Variants in FOXO3 observed in about 807,000 individuals in gnomAD.
FOXO3 encodes the protein forkhead box protein O3.
A neutral mutation model predicts 41.9 loss-of-function variants in FOXO3; 4 were observed. That is an observed-to-expected ratio of 0.10 (90% CI 0.05 to 0.22). The LOEUF (loss-of-function observed/expected upper bound fraction) is 0.22, where lower values mean the gene tolerates loss of function less well. Ranked by LOEUF, FOXO3 falls within the 10% of genes least tolerant of loss-of-function variation. The pLI, the probability that FOXO3 is intolerant of heterozygous loss-of-function variation, is 1.00. For missense variants in FOXO3, 534 were observed against 906.8 expected (o/e 0.59, Z 5.28); for synonymous variants, 318 against 389.3 (o/e 0.82, Z 2.16).
chr6:108,631,876 T>C (rs1015275827), intron 1 of FOXO3, among the ~76,000 whole-genome samples: 1 of 152,356 alleles, frequency 6.6e-6, no homozygotes, highest in African/African-American at 2.4e-5. Context: ...ATTATGTCTC[T>C]TAATCAAGGG....
intron 1 of FOXO3, among the ~76,000 whole-genome samples, chr6:108,659,716 A>C (rs529864308): frequency 2.0e-5 from 3 of 152,272 alleles, no homozygotes; most frequent in African/African-American, 7.2e-5. Context: ...CCCTGTGGTT[A>C]TGGCCCTGGA....
intron 1 of FOXO3, among the ~76,000 whole-genome samples, chr6:108,653,317 G>T (rs1274747723): frequency 6.6e-6 from 1 of 152,182 alleles, no homozygotes; most frequent in Non-Finnish European, 1.5e-5. Context: ...CAGGCCCTCT[G>T]CCGGGTGCTA....
chr6:108,627,007 C>A (rs1474872587), intron 1 of FOXO3, among the ~76,000 whole-genome samples: 1 of 152,174 alleles, frequency 6.6e-6, no homozygotes, highest in Non-Finnish European at 1.5e-5. Flanking sequence ...CTTCTAAGGT[C>A]TCTCCTGAGT....
intron 1 of FOXO3, among the ~76,000 whole-genome samples, chr6:108,574,349 G>C (rs1474016066): frequency 6.6e-6 from 1 of 152,080 alleles, no homozygotes; most frequent in Non-Finnish European, 1.5e-5. Flanking sequence ...GTGACGCATG[G>C]TAGGTAGAAA....
intron 1 of FOXO3, among the ~76,000 whole-genome samples, chr6:108,619,989 T>G (rs1439517993): frequency 6.6e-6 from 1 of 152,182 alleles, no homozygotes; most frequent in African/African-American, 2.4e-5. Context: ...TCCTTACAGG[T>G]TAAATTCAAA....
At chr6:108,569,834 A>AAC (rs1326416660) in intron 1 of FOXO3, among the ~76,000 whole-genome samples, 1 of 152,030 alleles carries the variant, frequency 6.6e-6, no homozygotes, top group Non-Finnish European at 1.5e-5. Context: ...CAAATAAACA[A>AAC]ACAGCATACA....
At position 108,588,309 on chromosome 6, in the gene FOXO3, A is replaced by G. The variant is rs573086042; in HGVS notation, c.621+26480A>G. On this transcript the variant is annotated intron_variant, in intron 1 of 2. Transcript: ENST00000406360. ...TTTGCTAGTTTTCTGATTGATTTGC[A>G]TAGACCATTGACTGGATGTTGTATT... Among the ~76,000 whole-genome samples the G allele has an allele frequency of 1.6e-4, 25 of 151,858 alleles. 1 individual carries two copies. In the South Asian group the frequency reaches 4.8e-3, roughly 29 times the overall value.
At chr6:108,651,528 G>T (rs1375461305) in intron 1 of FOXO3, among the ~76,000 whole-genome samples, 1 of 152,172 alleles carries the variant, frequency 6.6e-6, no homozygotes, top group African/African-American at 2.4e-5. Context: ...AAAAGGAACG[G>T]TTTTTCTGAG....
Position 108,561,249 on chromosome 6 carries a change from T to C in FOXO3, c.41T>C (p.Leu14Pro), listed in dbSNP as rs1775775411. Residue 14 changes from leucine to proline, a missense_variant, in exon 1 of 3, where the codon CTC (leucine) becomes CCC (proline). Transcript: ENST00000406360. ...APASPAPLSP[L>P]EVELDPEFEP... The stretch of plus-strand genomic sequence containing the variant: ...GCTTCCCCGGCCCCGCTCTCTCCGC[T>C]CGAAGTGGAGCTGGACCCGGAGTTC... 1 of 1,564,056 alleles carries C rather than the reference T, an allele frequency of 6.4e-7. No homozygotes were observed. Among genetic ancestry groups the C allele is most frequent in the Non-Finnish European group, 8.6e-7 (1 of 1,157,436 alleles).
At chr6:108,628,093 G>A (rs1336038729) in intron 1 of FOXO3, among the ~76,000 whole-genome samples, 2 of 151,828 alleles carry the variant, frequency 1.3e-5, no homozygotes, top group African/African-American at 2.4e-5. Context: ...AGTAATGTTG[G>A]TAAAAGCATC....
intron 1 of FOXO3, among the ~76,000 whole-genome samples, chr6:108,614,036 T>C (rs182574306): frequency 6.6e-6 from 1 of 152,314 alleles, no homozygotes; most frequent in Admixed American, 6.5e-5. Flanking sequence ...TATTTTTCTA[T>C]TACTGTTTTC....
chr6:108,600,776 G>A (rs1376302972), intron 1 of FOXO3, among the ~76,000 whole-genome samples: 1 of 151,956 alleles, frequency 6.6e-6, no homozygotes, highest in Non-Finnish European at 1.5e-5. Context: ...TTTTTATAAG[G>A]GAAGAAGGAT....
chr6:108,611,022 C>T (rs1450576224), intron 1 of FOXO3, among the ~76,000 whole-genome samples: 1 of 152,118 alleles, frequency 6.6e-6, no homozygotes, highest in African/African-American at 2.4e-5. Flanking sequence ...TCATCAGTCC[C>T]TCTCCCTCCC....
intron 2 of FOXO3, among the ~76,000 whole-genome samples, chr6:108,674,289 A>C (rs551363003): frequency 6.6e-6 from 1 of 152,298 alleles, no homozygotes; most frequent in African/African-American, 2.4e-5. Context: ...GGGTTCTTCC[A>C]GGAGGATGGT....
At chr6:108,574,450 G>A (rs1163049000) in intron 1 of FOXO3, among the ~76,000 whole-genome samples, 1 of 152,124 alleles carries the variant, frequency 6.6e-6, no homozygotes, top group Non-Finnish European at 1.5e-5. Flanking sequence ...GTAGATGAAT[G>A]CAGGCAGCAA....
chr6:108,612,373 A>G (rs1009684610), intron 1 of FOXO3, among the ~76,000 whole-genome samples: 3 of 152,000 alleles, frequency 2.0e-5, no homozygotes, highest in African/African-American at 7.3e-5. Context: ...TACATTGATG[A>G]TCATGTCTAT....
rs529721780 is a variant in FOXO3, at chr6:108,582,973, C to G, written c.621+21144C>G. Among the ~76,000 whole-genome samples the G allele has an allele frequency of 7.9e-5, 12 of 152,276 alleles. No homozygotes were observed. In the South Asian group the frequency reaches 2.5e-3, roughly 32 times the overall value. On this transcript the variant is annotated intron_variant, in intron 1 of 2. Coordinates refer to ENST00000406360, the MANE Select transcript of FOXO3 (RefSeq NM_001455.4). ...TAATGCCAAATTGATGATGGAACTC[C>G]TGAGTCCTGAAACGCAGTGCCTTGG...
chr6:108,560,743 C>T (rs1582719389), upstream of FOXO3: 1 of 238,182 alleles, frequency 4.2e-6, no homozygotes, highest in Non-Finnish European at 8.0e-6. Context: ...GCGCCAGCTC[C>T]GGCCGCTGCC....
At chr6:108,669,099 C>A (rs1442357493) in intron 2 of FOXO3, among the ~76,000 whole-genome samples, 1 of 152,068 alleles carries the variant, frequency 6.6e-6, no homozygotes, top group Non-Finnish European at 1.5e-5. Context: ...GGTGACAGAG[C>A]AAGACTCCGT....
Sources: gnomAD v4.1 joint callset for allele counts (sites outside exome capture counted in the v4.1 genomes callset) on GRCh38, gnomAD v4.1.1 for gene constraint, MANE v1.5 for transcripts, NCBI Gene and HGNC (gene_info 2026-07-23, HGNC 2026-07-21) for gene names.